The following SETDB2 variants were observed in gnomAD, a reference collection of about 807,000 sequenced individuals.
SETDB2 encodes the protein histone-lysine N-methyltransferase SETDB2.
In SETDB2, 56 loss-of-function variants were observed where a neutral mutation model predicts 82.5. The observed-to-expected ratio is 0.68, with a 90% CI of 0.55 to 0.85. SETDB2 has a LOEUF of 0.85. SETDB2 is among the 40% of genes least tolerant of loss of function. SETDB2 has a pLI of 0.00. For missense variants in SETDB2, 677 were observed against 816.4 expected (o/e 0.83, Z 2.08); for synonymous variants, 272 against 284.9 (o/e 0.95, Z 0.46).
At chr13:49,475,278 C>T (rs1033338904) in intron 5 of SETDB2, among the ~76,000 whole-genome samples, 1 of 152,212 alleles carries the variant, frequency 6.6e-6, no homozygotes, top group Middle Eastern at 3.4e-3. Context: ...TACCTCCCAC[C>T]AGGTCCCTCC....
In SETDB2 at chr13:49,461,166, T is replaced by A; in HGVS notation, c.208+4T>A. 6.3e-7 allele frequency: 1 copy of A among 1,585,486 alleles called. No individual in the cohort carries two copies. The highest frequency in any genetic ancestry group is 2.2e-5 in the East Asian group (1 of 44,622). ...AACAGTTCAACATCAATAAAGGGTA[T>A]GTACATCTCTATTCCCATTGTAGAG... On this transcript the variant is annotated splice_donor_region_variant and intron_variant, in intron 4 of 13. Coordinates refer to ENST00000611815, the MANE Select transcript of SETDB2 (RefSeq NM_001160308.3).
At chr13:49,464,269 T>G (rs1374059150) in intron 4 of SETDB2, among the ~76,000 whole-genome samples, 1 of 152,224 alleles carries the variant, frequency 6.6e-6, no homozygotes, top group Admixed American at 6.5e-5. Flanking sequence ...TGGGAGGGGA[T>G]TTATGACAAT....
chr13:49,484,071 C>T (rs1290427422), intron 10 of SETDB2, among the ~76,000 whole-genome samples: 1 of 152,046 alleles, frequency 6.6e-6, no homozygotes, highest in Non-Finnish European at 1.5e-5. Context: ...TACTTAGTAT[C>T]ATCCACGGCA....
At chr13:49,458,967 C>G (rs1320933538) in intron 2 of SETDB2, among the ~76,000 whole-genome samples, 1 of 152,206 alleles carries the variant, frequency 6.6e-6, no homozygotes, top group African/African-American at 2.4e-5. Flanking sequence ...GATGTCATGC[C>G]CTACCTGCCT....
intron 2 of SETDB2, among the ~76,000 whole-genome samples, chr13:49,456,613 G>A (rs757088085): frequency 4.6e-5 from 7 of 152,050 alleles, no homozygotes; most frequent in Admixed American, 6.5e-5. Context: ...AAAATATACC[G>A]AAATATTTAG....
chr13:49,458,902 A>G (rs1385955915), intron 2 of SETDB2, among the ~76,000 whole-genome samples: 2 of 152,222 alleles, frequency 1.3e-5, no homozygotes, highest in East Asian at 1.9e-4. Flanking sequence ...AGATCCTTAT[A>G]CCTCTTGGGT....
intron 8 of SETDB2, chr13:49,482,253 A>G: frequency 1.0e-6 from 1 of 985,456 alleles, no homozygotes; most frequent in Non-Finnish European, 1.2e-6. Flanking sequence ...AATCCCTTGA[A>G]AGAAAATGCA....
At chr13:49,461,883 C>G (rs1466201266) in intron 4 of SETDB2, among the ~76,000 whole-genome samples, 1 of 152,198 alleles carries the variant, frequency 6.6e-6, no homozygotes, top group Non-Finnish European at 1.5e-5. Flanking sequence ...CAACCCCCTC[C>G]TCAGATTCCA....
At chr13:49,461,873 C>T (rs888469315) in intron 4 of SETDB2, among the ~76,000 whole-genome samples, 1 of 152,204 alleles carries the variant, frequency 6.6e-6, no homozygotes, top group African/African-American at 2.4e-5. Context: ...GAGGTTCCCA[C>T]AACCCCCTCC....
At chr13:49,455,016 TAAG>T (rs1957856614) in intron 2 of SETDB2, among the ~76,000 whole-genome samples, 1 of 152,190 alleles carries the variant, frequency 6.6e-6, no homozygotes. Context: ...GGCTTATTTT[TAAG>T]AAAATAATAA....
Position 49,467,873 on chromosome 13 carries a change from C to A in SETDB2, c.218C>A (p.Pro73His). The change falls in exon 5 of 14, where the codon CCT becomes CAT. Residue 73 changes from proline (P) to histidine (H), a missense_variant. Pro to His is a moderately conservative substitution (Grantham distance 77). Coordinates refer to ENST00000611815, the MANE Select transcript of SETDB2 (RefSeq NM_001160308.3). ...NSSTSIKDPM[P>H]VTQKEQENKS... Reference sequence around the variant, plus strand: ...TTATTTTTTTGTGTAGATCCTATGCCTGTGACTCAGAAGGAACAGGAAAAC... The same window carrying A: ...TTATTTTTTTGTGTAGATCCTATGCATGTGACTCAGAAGGAACAGGAAAAC... 1.3e-6 allele frequency: 2 copies of A among 1,575,402 alleles called. No individual in the cohort carries two copies. The highest frequency in any genetic ancestry group is 8.6e-7 in the Non-Finnish European group (1 of 1,161,448).
intron 4 of SETDB2, among the ~76,000 whole-genome samples, 198 bp from the exon 5 acceptor site, chr13:49,467,666 A>G (rs904452919): frequency 1.6e-4 from 24 of 152,290 alleles, no homozygotes; most frequent in African/African-American, 5.8e-4. Flanking sequence ...TTCTGTCCTC[A>G]GTATTTTATC....
In SETDB2 at chr13:49,488,625, C is replaced by A. The variant is rs1383964151; in HGVS notation, c.1912C>A (p.Leu638Ile). The change falls in exon 12 of 14, where the codon CTT becomes ATT. Residue 638 changes from leucine (L) to isoleucine (I), a missense_variant. By Grantham distance (5) the Leu-to-Ile change is conservative. Coordinates refer to ENST00000611815, the MANE Select transcript of SETDB2 (RefSeq NM_001160308.3). ...ATKEGNVGRF[L>I]NHSCCPNLLV... ...AAAAGAAGGAAATGTCGGCCGCTTC[C>A]TTAATGTGAGTATAAGGGCTGAGAT... 6.3e-7 allele frequency: 1 copy of A among 1,587,236 alleles called. No individual in the cohort carries two copies. Among genetic ancestry groups the A allele is most frequent in the African/African-American group, 1.4e-5 (1 of 73,796 alleles).
intron 4 of SETDB2, among the ~76,000 whole-genome samples, chr13:49,465,539 A>AT (rs779170874): frequency 0.024 from 3,549 of 145,746 alleles, 44 homozygotes; most frequent in Middle Eastern, 0.05. Flanking sequence ...TCAGAATCTA[A>AT]TTTTTTTTTT....
intron 8 of SETDB2, 100 bp from the exon 9 acceptor site, chr13:49,482,637 A>G: frequency 1.3e-6 from 1 of 757,200 alleles, no homozygotes; most frequent in East Asian, 2.7e-5. Context: ...TCATTGTAGA[A>G]TGTGTGGGTT....
chr13:49,479,979 A>G (rs990578550), intron 6 of SETDB2, among the ~76,000 whole-genome samples: 1 of 152,218 alleles, frequency 6.6e-6, no homozygotes, highest in African/African-American at 2.4e-5. Flanking sequence ...CTAAACTCAT[A>G]TAGTTAAGTA....
At chr13:49,466,405 C>T (rs1193689954) in intron 4 of SETDB2, among the ~76,000 whole-genome samples, 1 of 150,910 alleles carries the variant, frequency 6.6e-6, no homozygotes, top group Admixed American at 6.6e-5. Context: ...CAACGTACTC[C>T]AGCCTGGGTG....
Position 49,451,888 on chromosome 13 carries a change from C to A in SETDB2, c.-6C>A, listed in dbSNP as rs765277734. 10 of 1,594,240 alleles carry A rather than the reference C, an allele frequency of 6.3e-6. No individual in the cohort carries two copies. The South Asian group carries it at 9.0e-5, about 14-fold the overall frequency. ...AGCATTTTATATTTATAAGCGACAT[C>A]AAAAGATGGGAGAAAAAAATGGTAG... is the stretch of plus-strand genomic sequence containing the variant. On this transcript the variant is annotated 5_prime_UTR_variant, in exon 2 of 14. Coordinates refer to ENST00000611815, the MANE Select transcript of SETDB2 (RefSeq NM_001160308.3).
chr13:49,481,063 G>A lies in SETDB2; in HGVS notation c.1103G>A (p.Gly368Asp). The change falls in exon 8 of 14, where the codon GGT (glycine) becomes GAT (aspartate). Residue 368 changes from glycine (G) to aspartate (D), a missense_variant. This residue lies in a region of SETDB2 where 420 missense variants were observed against 554.6 expected (regional missense o/e 0.76). Transcript: ENST00000611815. Reference sequence around the variant, plus strand: ...TTCAAAACTGAGCAGAAGGGATGGGGTGTACGCTGTCTAGATGACATTGAC... The same window carrying A: ...TTCAAAACTGAGCAGAAGGGATGGGATGTACGCTGTCTAGATGACATTGAC... Reference protein sequence around the residue: ...QVFKTEQKGWGVRCLDDIDRG... With the variant: ...QVFKTEQKGWDVRCLDDIDRG... 6.2e-7 allele frequency: 1 copy of A among 1,614,142 alleles called. No homozygotes were observed. The highest frequency in any genetic ancestry group is 2.2e-5 in the East Asian group (1 of 44,878).
Sources: gnomAD v4.1 joint callset for allele counts (sites outside exome capture counted in the v4.1 genomes callset) on GRCh38, gnomAD v4.1.1 for gene constraint, gnomAD v4.1.1 regional missense constraint, MANE v1.5 for transcripts, NCBI Gene and HGNC (gene_info 2026-07-23, HGNC 2026-07-21) for gene names.